Variants in MYO16 observed in about 807,000 individuals in gnomAD.
MYO16 encodes the protein unconventional myosin-XVI.
A neutral mutation model predicts 205.3 loss-of-function variants in MYO16; 94 were observed. That is an observed-to-expected ratio of 0.46 (90% CI 0.39 to 0.54). MYO16 has a LOEUF of 0.54. MYO16 is among the 20% of genes least tolerant of loss of function. MYO16 has a pLI of 0.00. For synonymous variants in MYO16, 988 were observed against 954.0 expected, an observed-to-expected ratio of 1.04 and a Z score of -0.66; for missense variants, 2,315 against 2,387.5, an observed-to-expected ratio of 0.97 and a Z score of 0.63.
Position 108,953,368 on chromosome 13 carries a change from T to C in MYO16, c.1926-4320T>C, listed in dbSNP as rs144168641. ...GTACATTGACTAAAAGTTGCCTGCA[T>C]AGGCAAGATGTAGTCATTCTGGGAA... On this transcript the variant is annotated intron_variant, in intron 16 of 34. Transcript: ENST00000457511. Among the ~76,000 whole-genome samples, 48 of 152,352 alleles carry C rather than the reference T, an allele frequency of 3.2e-4. No homozygotes were observed. In the East Asian group the frequency reaches 9.1e-3, roughly 29 times the overall value.
At chr13:109,017,371 G>C (rs180768411) in intron 22 of MYO16, among the ~76,000 whole-genome samples, 12 of 152,124 alleles carry the variant, frequency 7.9e-5, no homozygotes, top group Admixed American at 3.3e-4. Context: ...TGGGTAACCC[G>C]ACCTTTCTCT....
chr13:109,130,080 A>G (rs555784076), intron 31 of MYO16, among the ~76,000 whole-genome samples: 1 of 152,254 alleles, frequency 6.6e-6, no homozygotes, highest in Non-Finnish European at 1.5e-5. Flanking sequence ...ACACACACAT[A>G]ATATGAAAGC....
intron 4 of MYO16, among the ~76,000 whole-genome samples, chr13:108,740,207 G>A (rs1343193601): frequency 2.7e-5 from 4 of 145,522 alleles, no homozygotes; most frequent in Admixed American, 1.4e-4. Context: ...AGGGGGAGAG[G>A]TGCTCTGATT....
intron 16 of MYO16, 144 bp from the exon 17 acceptor site, chr13:108,957,544 A>G: frequency 1.7e-6 from 1 of 577,996 alleles, no homozygotes; most frequent in Non-Finnish European, 3.2e-6. Context: ...GCTGTGATGC[A>G]CCAAATGCTT....
chr13:109,069,938 G>A (rs1887875285), intron 27 of MYO16, among the ~76,000 whole-genome samples: 1 of 152,048 alleles, frequency 6.6e-6, no homozygotes, highest in African/African-American at 2.4e-5. Flanking sequence ...TTTACATTGA[G>A]AGTCCAGTGA....
At chr13:109,189,111 AAAAG>A (rs1879808542) in intron 34 of MYO16, among the ~76,000 whole-genome samples, 1 of 152,096 alleles carries the variant, frequency 6.6e-6, no homozygotes, top group Admixed American at 6.6e-5. Flanking sequence ...ATGAAAAAAA[AAAAG>A]AAGGACACAT....
chr13:108,562,723 A>G, the MYO16 span, among the ~76,000 whole-genome samples: 2 of 152,164 alleles, frequency 1.3e-5, no homozygotes, highest in African/African-American at 4.8e-5. Context: ...TAGAAATACA[A>G]ACACTTTTCA....
chr13:109,076,180 T>A (rs1377759006), intron 27 of MYO16, among the ~76,000 whole-genome samples: 1 of 152,202 alleles, frequency 6.6e-6, no homozygotes, highest in Non-Finnish European at 1.5e-5. Context: ...GTTATTTATT[T>A]ATTGAAAGAA....
chr13:109,107,536 T>C (rs552176622), intron 28 of MYO16, among the ~76,000 whole-genome samples: 58 of 151,952 alleles, frequency 3.8e-4, no homozygotes, highest in African/African-American at 1.3e-3. Context: ...TACCTCTCAC[T>C]TTTTTTACAT....
chr13:108,547,855 A>T, the MYO16 span, among the ~76,000 whole-genome samples: 1 of 152,194 alleles, frequency 6.6e-6, no homozygotes, highest in African/African-American at 2.4e-5. Context: ...CTATTCTCTT[A>T]TTCTAATATG....
intron 23 of MYO16, among the ~76,000 whole-genome samples, chr13:109,022,727 A>G (rs1886120006): frequency 1.7e-5 from 1 of 59,196 alleles, no homozygotes; most frequent in Non-Finnish European, 3.9e-5. Context: ...ATATAAACAT[A>G]TGTATATATT....
intron 4 of MYO16, chr13:108,780,128 T>G (rs975959702): frequency 6.6e-6 from 1 of 152,162 alleles, no homozygotes; most frequent in East Asian, 1.9e-4. Flanking sequence ...AGCAACATTA[T>G]TTTTCATTTT....
At chr13:108,797,707 TAATG>T (rs1886834901) in intron 6 of MYO16, among the ~76,000 whole-genome samples, 1 of 152,242 alleles carries the variant, frequency 6.6e-6, no homozygotes. Context: ...TTATTACACA[TAATG>T]AATTAATGCC....
At chr13:108,681,802 T>C (rs979754901) in intron 2 of MYO16, among the ~76,000 whole-genome samples, 1 of 152,200 alleles carries the variant, frequency 6.6e-6, no homozygotes, top group East Asian at 1.9e-4. Context: ...TGTAGAAATG[T>C]AGTTAGGCAT....
chr13:108,569,423 C>T, the MYO16 span, among the ~76,000 whole-genome samples: 1 of 151,874 alleles, frequency 6.6e-6, no homozygotes, highest in Non-Finnish European at 1.5e-5. Context: ...GATGCTGTTG[C>T]CAATGGAATT....
intron 4 of MYO16, among the ~76,000 whole-genome samples, chr13:108,770,878 G>A (rs1219013401): frequency 1.3e-5 from 2 of 152,122 alleles, no homozygotes. Flanking sequence ...ACTAACCAAA[G>A]AACACTCTCA....
intron 10 of MYO16, among the ~76,000 whole-genome samples, chr13:108,849,165 GT>G (rs1277049623): frequency 1.4e-5 from 2 of 143,062 alleles, no homozygotes; most frequent in African/African-American, 5.3e-5. Flanking sequence ...TCAACACGAA[GT>G]TTTTTTCTGT....
chr13:108,881,424 A>G (rs1156633312), intron 12 of MYO16, among the ~76,000 whole-genome samples: 1 of 152,246 alleles, frequency 6.6e-6, no homozygotes, highest in African/African-American at 2.4e-5. Flanking sequence ...GCAATGGAAC[A>G]AAGCTGGATG....
At chr13:108,711,164 A>G (rs887412162) in intron 2 of MYO16, among the ~76,000 whole-genome samples, 5 of 152,244 alleles carry the variant, frequency 3.3e-5, no homozygotes, top group African/African-American at 9.6e-5. Context: ...GTGAAGAACA[A>G]GAGAAAGATG....
Sources: allele counts gnomAD v4.1 joint callset (sites outside exome capture counted in the v4.1 genomes callset), GRCh38; gene constraint gnomAD v4.1.1; transcripts MANE v1.5; gene names NCBI Gene and HGNC (gene_info 2026-07-23, HGNC 2026-07-21).